The following ADAMTS3 variants were observed in gnomAD, a reference collection of about 807,000 sequenced individuals.
ADAMTS3 encodes ADAM metallopeptidase with thrombospondin type 1 motif 3, also known as A disintegrin and metalloproteinase with thrombospondin motifs 3.
ADAMTS3 carries 73 observed loss-of-function variants against 129.0 expected under a neutral mutation model. That is an observed-to-expected ratio of 0.57 (90% CI 0.47 to 0.69). The LOEUF (loss-of-function observed/expected upper bound fraction) is 0.69. Among genes scored for constraint, ADAMTS3 ranks in the 30% least tolerant of loss-of-function variants. The pLI is 0.00. For missense variants in ADAMTS3, 1,457 were observed against 1,514.5 expected, an observed-to-expected ratio of 0.96 and a Z score of 0.63; for synonymous variants, 477 against 510.8, an observed-to-expected ratio of 0.93 and a Z score of 0.89.
Position 72,548,549 on chromosome 4 carries a change from T to C in ADAMTS3, c.433A>G (p.Asn145Asp). 6.2e-7 allele frequency: 1 copy of C among 1,613,916 alleles called. No homozygotes were observed. Among genetic ancestry groups the C allele is most frequent in the Non-Finnish European group, 8.5e-7 (1 of 1,179,874 alleles). ...ACGATGTCACCAACATAAGCACAGT[T>C]AGTCTGCAAAGGCTCTGTTCTCCGG... ...RIRRTEPLQT[N>D]CAYVGDIVDI... Residue 145 changes from asparagine (N) to aspartate (D), a missense_variant, in exon 3 of 22, where the codon AAC (asparagine) becomes GAC (aspartate). Coordinates refer to ENST00000286657, the MANE Select transcript of ADAMTS3 (RefSeq NM_014243.3).
At chr4:72,454,276 A>G (rs1426589891) in intron 3 of ADAMTS3, among the ~76,000 whole-genome samples, 2 of 151,712 alleles carry the variant, frequency 1.3e-5, no homozygotes, top group East Asian at 2.0e-4. Context: ...GGTTTTACAG[A>G]TAAGTTAGTT....
intron 3 of ADAMTS3, among the ~76,000 whole-genome samples, chr4:72,447,964 C>T (rs1370171136): frequency 6.6e-6 from 1 of 151,668 alleles, no homozygotes; most frequent in African/African-American, 2.4e-5. Context: ...ACTTCAGACA[C>T]TTTTTTTATA....
chr4:72,408,934 G>A (rs554056213), intron 4 of ADAMTS3, among the ~76,000 whole-genome samples: 49 of 152,114 alleles, frequency 3.2e-4, no homozygotes, highest in African/African-American at 1.1e-3. Context: ...GGGCCTAGGG[G>A]AGGGATAACA....
chr4:72,427,854 T>G (rs1335152492), intron 3 of ADAMTS3, among the ~76,000 whole-genome samples: 1 of 152,040 alleles, frequency 6.6e-6, no homozygotes, highest in African/African-American at 2.4e-5. Flanking sequence ...CTATTGTAGA[T>G]GTGCTGCAAC....
At chr4:72,550,174 CTAGCCT>C in intron 2 of ADAMTS3, among the ~76,000 whole-genome samples, 1 of 151,220 alleles carries the variant, frequency 6.6e-6, no homozygotes, top group Non-Finnish European at 1.5e-5. Flanking sequence ...TTTCACAATT[CTAGCCT>C]TACGCTAATC....
chr4:72,549,872 G>T (rs1206301723), intron 2 of ADAMTS3, among the ~76,000 whole-genome samples: 1 of 146,598 alleles, frequency 6.8e-6, no homozygotes, highest in Non-Finnish European at 1.5e-5. Context: ...ACACTTTAAA[G>T]GAACTATTAT....
At chr4:72,327,942 TA>T (rs1719740364) in intron 5 of ADAMTS3, among the ~76,000 whole-genome samples, 1 of 151,784 alleles carries the variant, frequency 6.6e-6, no homozygotes, top group Non-Finnish European at 1.5e-5. Flanking sequence ...TGAGAAGAAA[TA>T]AAGAGGAGCT....
At chr4:72,497,288 T>C (rs1394228841) in intron 3 of ADAMTS3, among the ~76,000 whole-genome samples, 1 of 152,034 alleles carries the variant, frequency 6.6e-6, no homozygotes, top group African/African-American at 2.4e-5. Flanking sequence ...AAATCCAGAA[T>C]ATATTTTATA....
chr4:72,339,084 T>C (rs910292950), intron 5 of ADAMTS3, among the ~76,000 whole-genome samples: 1 of 152,210 alleles, frequency 6.6e-6, no homozygotes, highest in Non-Finnish European at 1.5e-5. Flanking sequence ...GCATAAATCA[T>C]TCTATATCAT....
intron 19 of ADAMTS3, among the ~76,000 whole-genome samples, chr4:72,293,831 G>A (rs953931832): frequency 6.6e-6 from 1 of 152,072 alleles, no homozygotes; most frequent in African/African-American, 2.4e-5. Flanking sequence ...AACAGGAAAT[G>A]AATCCTTGAT....
At chr4:72,384,901 G>A (rs367839068) in intron 4 of ADAMTS3, among the ~76,000 whole-genome samples, 1 of 152,276 alleles carries the variant, frequency 6.6e-6, no homozygotes, top group Non-Finnish European at 1.5e-5. Context: ...GGGTGTGGTG[G>A]CTCACGCCTG....
intron 19 of ADAMTS3, among the ~76,000 whole-genome samples, chr4:72,291,969 A>G (rs1291712833): frequency 3.3e-5 from 5 of 152,120 alleles, no homozygotes; most frequent in Admixed American, 6.5e-5. Context: ...CTTCTTTCCT[A>G]AAGGATGATC....
intron 3 of ADAMTS3, among the ~76,000 whole-genome samples, chr4:72,498,450 G>A (rs1252892572): frequency 6.6e-6 from 1 of 151,870 alleles, no homozygotes; most frequent in Non-Finnish European, 1.5e-5. Context: ...AAAAGAATTT[G>A]TTTTCAGAAG....
Position 72,318,645 on chromosome 4 carries a change from A to C in ADAMTS3, c.1412T>G (p.Leu471Arg). 1 of 1,613,908 alleles carries C rather than the reference A, an allele frequency of 6.2e-7. No homozygotes were observed. The highest frequency in any genetic ancestry group is 8.5e-7 in the Non-Finnish European group (1 of 1,179,878). The change falls in exon 10 of 22, where the codon CTT becomes CGT. Residue 471 changes from leucine (L) to arginine (R), a missense_variant. By Grantham distance (102) the Leu-to-Arg change is moderately radical (BLOSUM62 -2). Transcript: ENST00000286657. Reference protein sequence around the residue: ...FDHDWPKLPELPGINYSMDEQ... With the variant: ...FDHDWPKLPERPGINYSMDEQ... ...ATCCATAGAATAATTGATTCCAGGA[A>C]GTTCTGGGAGTTTAGGCCAATCATG... is the stretch of plus-strand genomic sequence containing the variant.
intron 2 of ADAMTS3, among the ~76,000 whole-genome samples, chr4:72,552,608 TATC>T (rs1721672644): frequency 2.0e-5 from 3 of 152,170 alleles, no homozygotes; most frequent in African/African-American, 7.2e-5. Flanking sequence ...TGTCAAATCT[TATC>T]ACTCTTCTCC....
rs1421948610 is a variant in ADAMTS3, at chr4:72,423,800, G to A, written c.505-8829C>T. 3.9e-5 allele frequency among the ~76,000 whole-genome samples: 6 copies of A among 152,112 alleles called. No individual in the cohort carries two copies. The South Asian group carries it at 6.2e-4, about 16-fold the overall frequency. Reference sequence around the variant, plus strand: ...CTAGTATTGATCTGAAGCTGTATTCGCAAACCAAAAGTACTATCTCTCTAC... The same window carrying A: ...CTAGTATTGATCTGAAGCTGTATTCACAAACCAAAAGTACTATCTCTCTAC... On this transcript the variant is annotated intron_variant, in intron 3 of 21. Coordinates refer to ENST00000286657, the MANE Select transcript of ADAMTS3 (RefSeq NM_014243.3).
intron 3 of ADAMTS3, among the ~76,000 whole-genome samples, chr4:72,507,509 T>C (rs978307574): frequency 1.8e-4 from 27 of 152,244 alleles, no homozygotes; most frequent in African/African-American, 6.3e-4. Flanking sequence ...GAAGCTTGGT[T>C]GCTTAAGTTT....
At chr4:72,504,332 T>G (rs1243298489) in intron 3 of ADAMTS3, among the ~76,000 whole-genome samples, 1 of 152,188 alleles carries the variant, frequency 6.6e-6, no homozygotes, top group Non-Finnish European at 1.5e-5. Flanking sequence ...TTATAAAGCT[T>G]AGTTTGGTGA....
intron 4 of ADAMTS3, among the ~76,000 whole-genome samples, chr4:72,409,456 C>A (rs890464311): frequency 2.0e-5 from 3 of 152,110 alleles, no homozygotes; most frequent in Admixed American, 1.3e-4. Context: ...ATATTTAAAA[C>A]CTCCCAGTTC....
Sources: gnomAD v4.1 joint callset for allele counts (sites outside exome capture counted in the v4.1 genomes callset) on GRCh38, gnomAD v4.1.1 for gene constraint, MANE v1.5 for transcripts, NCBI Gene and HGNC (gene_info 2026-07-23, HGNC 2026-07-21) for gene names.